The following NCEH1 variants were observed in gnomAD, a reference collection of about 807,000 sequenced individuals.
The protein encoded by NCEH1 is neutral cholesterol ester hydrolase 1.
In NCEH1, 9 loss-of-function variants were observed where a neutral mutation model predicts 25.4. That is an observed-to-expected ratio of 0.35 (90% CI 0.21 to 0.62). The LOEUF (loss-of-function observed/expected upper bound fraction) is 0.62, where lower values mean the gene tolerates loss of function less well. NCEH1 is among the 20% of genes least tolerant of loss of function. The pLI, the probability that NCEH1 is intolerant of heterozygous loss-of-function variation, is 0.72. For synonymous variants in NCEH1, 200 were observed against 199.8 expected, an observed-to-expected ratio of 1.00 and a Z score of -0.01; for missense variants, 412 against 501.1, an observed-to-expected ratio of 0.82 and a Z score of 1.70.
rs962852981 is a variant in NCEH1 at position 172,632,657 on chromosome 3, T to C, written c.*818A>G. On this transcript the variant is annotated 3_prime_UTR_variant, in exon 5 of 5. Coordinates refer to ENST00000475381, the MANE Select transcript of NCEH1 (RefSeq NM_020792.6). ...TTATGTGAAACACTAGGTTGTTTCATTTGTCTGTTTTTACTTGCTCTATAA... is the reference window on the plus strand; with the variant it reads ...TTATGTGAAACACTAGGTTGTTTCACTTGTCTGTTTTTACTTGCTCTATAA... The C allele has an allele frequency of 6.6e-6, 1 of 152,494 alleles. No individual in the cohort carries two copies. Among genetic ancestry groups the C allele is most frequent in the Non-Finnish European group, 1.5e-5 (1 of 68,042 alleles). The allele number at this position is 152,494 out of a possible 1,614,324, so 9.4% of individuals were successfully genotyped here.
rs1716453437 is a variant in NCEH1, at chr3:172,633,413, G to GTC, written c.*60_*61dup. The stretch of plus-strand genomic sequence containing the variant: ...AGAATTAGTCAACTAAAAAGTGCAT[G>GTC]TCTTTCCAAAGCAGGTGTAGGAGGT... On this transcript the variant is annotated 3_prime_UTR_variant, in exon 5 of 5. Transcript: ENST00000475381. 4 of 1,502,444 alleles carry GTC rather than the reference G, an allele frequency of 2.7e-6. No individual in the cohort carries two copies. Among genetic ancestry groups the GTC allele is most frequent in the Non-Finnish European group, 3.6e-6 (4 of 1,107,534 alleles). 93.1% of individuals were successfully genotyped at this position (1,502,444 alleles called of 1,614,324 possible). A position where few individuals can be genotyped will look rare whatever the true frequency, so the allele number is the denominator to read the frequency against.
chr3:172,636,205 A>C (rs1716591978), intron 3 of NCEH1, 118 bp from the exon 4 acceptor site: 2 of 572,472 alleles, frequency 3.5e-6, no homozygotes, highest in African/African-American at 1.9e-5. Flanking sequence ...AATTCAATGG[A>C]ATTATTGTAT....
At chr3:172,654,768 A>G (rs6445071) in intron 1 of NCEH1, among the ~76,000 whole-genome samples, 96,169 of 152,060 alleles carry the variant, frequency 0.63, 31,265 homozygotes, top group East Asian at 0.93. Flanking sequence ...CTTCACATTC[A>G]AAGGTTTGTA....
intron 1 of NCEH1, among the ~76,000 whole-genome samples, chr3:172,669,332 G>C (rs1350150460): frequency 6.6e-6 from 1 of 152,158 alleles, no homozygotes; most frequent in Non-Finnish European, 1.5e-5. Flanking sequence ...AGATGCTATG[G>C]CTGAACTTTT....
intron 1 of NCEH1, among the ~76,000 whole-genome samples, chr3:172,653,257 G>A (rs1717500211): frequency 6.6e-6 from 1 of 152,094 alleles, no homozygotes; most frequent in Non-Finnish European, 1.5e-5. Context: ...GTGGGGCACT[G>A]GCTCCCTACC....
At position 172,648,074 on chromosome 3, in the gene NCEH1, A is replaced by G; in HGVS notation, c.179T>C (p.Leu60Pro). ...AGAAACAATGATAAAATTCAGTGCCAGCAGGTGATGGCTCAGTCCCAGGTA... is the reference window on the plus strand; with the variant it reads ...AGAAACAATGATAAAATTCAGTGCCGGCAGGTGATGGCTCAGTCCCAGGTA... ...IHYLGLSHHLLALNFIIVSFG... is the reference protein window; with the variant it reads ...IHYLGLSHHLPALNFIIVSFG... The change falls in exon 2 of 5, where the codon CTG becomes CCG. Residue 60 changes from leucine to proline, a missense_variant. Transcript: ENST00000475381. The G allele has an allele frequency of 6.2e-7, 1 of 1,614,176 alleles. No individual in the cohort carries two copies.
At chr3:172,697,742 C>T (rs1299577203) in intron 1 of NCEH1, among the ~76,000 whole-genome samples, 2 of 152,100 alleles carry the variant, frequency 1.3e-5, no homozygotes, top group Non-Finnish European at 2.9e-5. Flanking sequence ...GTTCAAAGGG[C>T]AATGGGGTCC....
chr3:172,638,112 T>G (rs548852813), intron 3 of NCEH1, among the ~76,000 whole-genome samples: 4 of 152,146 alleles, frequency 2.6e-5, no homozygotes, highest in Admixed American at 1.3e-4. Flanking sequence ...GACAAATGTT[T>G]GTGAAATACG....
intron 1 of NCEH1, among the ~76,000 whole-genome samples, chr3:172,658,249 T>A (rs1372415940): frequency 6.6e-6 from 1 of 152,208 alleles, no homozygotes; most frequent in Non-Finnish European, 1.5e-5. Flanking sequence ...CCCTGTATAA[T>A]CTAAAAGGGG....
intron 1 of NCEH1, among the ~76,000 whole-genome samples, chr3:172,688,262 G>A (rs962382167): frequency 7.4e-5 from 11 of 148,470 alleles, no homozygotes; most frequent in Admixed American, 4.1e-4. Context: ...TCTGGGAGGC[G>A]GAGGTTGCAG....
At chr3:172,680,686 C>G (rs1712313172) in intron 1 of NCEH1, 1 of 152,094 alleles carries the variant, frequency 6.6e-6, no homozygotes, top group Non-Finnish European at 1.5e-5. Flanking sequence ...CCTCCATCAG[C>G]CACTCTACAC....
chr3:172,639,944 G>T (rs551685398), intron 3 of NCEH1, among the ~76,000 whole-genome samples: 1 of 152,344 alleles, frequency 6.6e-6, no homozygotes. Context: ...TGTGTAACTT[G>T]TCTGTAACAG....
At position 172,633,651 on chromosome 3, in the gene NCEH1, T is replaced by C; in HGVS notation, c.1051A>G (p.Arg351Gly). Residue 351 changes from arginine (R) to glycine (G), a missense_variant, in exon 5 of 5, where the codon AGA (arginine) becomes GGA (glycine). Physicochemically the swap from Arg to Gly is moderately radical, Grantham distance 125 (BLOSUM62 -2). Transcript: ENST00000475381. ...TTGGCATACATGATGCCATCGTCTCTGAGGACATCATGCTCACACGTCAGA... is the reference window on the plus strand; with the variant it reads ...TTGGCATACATGATGCCATCGTCTCCGAGGACATCATGCTCACACGTCAGA... ...YILTCEHDVL[R>G]DDGIMYAKRL... 6.2e-7 allele frequency: 1 copy of C among 1,614,158 alleles called. No homozygotes were observed. Among genetic ancestry groups the C allele is most frequent in the Non-Finnish European group, 8.5e-7 (1 of 1,179,984 alleles).
intron 2 of NCEH1, among the ~76,000 whole-genome samples, chr3:172,647,276 C>A (rs541538950): frequency 6.6e-6 from 1 of 152,182 alleles, no homozygotes; most frequent in Non-Finnish European, 1.5e-5. Context: ...CTCTTCTGGG[C>A]GGCTCTGTTT....
chr3:172,644,944 C>CA (rs1011731288), intron 3 of NCEH1, among the ~76,000 whole-genome samples: 25 of 151,802 alleles, frequency 1.6e-4, no homozygotes, highest in East Asian at 1.4e-3. Context: ...AAAGGCTTGT[C>CA]AAAAAAAGGC....
chr3:172,706,406 A>T (rs1002679223), intron 1 of NCEH1, among the ~76,000 whole-genome samples: 4 of 152,138 alleles, frequency 2.6e-5, no homozygotes, highest in Non-Finnish European at 5.9e-5. Flanking sequence ...TTTGCAAGTC[A>T]TTAAACATTT....
At chr3:172,670,448 T>G (rs1189943695) in intron 1 of NCEH1, among the ~76,000 whole-genome samples, 2 of 152,206 alleles carry the variant, frequency 1.3e-5, no homozygotes, top group African/African-American at 4.8e-5. Flanking sequence ...CAGAAGCATG[T>G]TTGGGATATC....
rs969139764 is a variant in NCEH1, at chr3:172,663,458, C to G, written c.139-15344G>C. 7.9e-5 allele frequency among the ~76,000 whole-genome samples: 12 copies of G among 152,280 alleles called. No homozygotes were observed. The South Asian group carries it at 2.5e-3, about 32-fold the overall frequency. On this transcript the variant is annotated intron_variant, in intron 1 of 4. Transcript: ENST00000475381. ...TTCTGTTGATTTGGGATGGAGAGTT[C>G]TGTAGATGTCTATTAGGTCTGCTTG...
chr3:172,667,895 G>A (rs868273396), intron 1 of NCEH1, among the ~76,000 whole-genome samples: 1 of 152,084 alleles, frequency 6.6e-6, no homozygotes, highest in Non-Finnish European at 1.5e-5. Flanking sequence ...CAATCATATT[G>A]GGCAGTCCCA....
Sources: gnomAD v4.1 joint callset for allele counts (sites outside exome capture counted in the v4.1 genomes callset) on GRCh38, gnomAD v4.1.1 for gene constraint, MANE v1.5 for transcripts, NCBI Gene and HGNC (gene_info 2026-07-23, HGNC 2026-07-21) for gene names.